ZNF804B: variants seen among roughly 807,000 people sequenced by gnomAD.
ZNF804B encodes the protein zinc finger protein 804B, also known as zinc finger 804B.
Under a neutral mutation model 101.4 loss-of-function variants are expected in ZNF804B, and 80 were observed. The ratio of observed to expected loss-of-function variants is 0.79; its 90% confidence interval spans 0.66 to 0.95. The LOEUF (loss-of-function observed/expected upper bound fraction) is 0.95. Ranked by LOEUF, ZNF804B falls within the 40% of genes least tolerant of loss-of-function variation. The pLI is 0.00. For synonymous variants in ZNF804B, 622 were observed against 558.8 expected (o/e 1.11, Z -1.59); for missense variants, 1,673 against 1,561.9 (o/e 1.07, Z -1.20).
intron 1 of ZNF804B, among the ~76,000 whole-genome samples, chr7:88,850,194 G>T (rs996077148): frequency 1.3e-5 from 2 of 152,080 alleles, no homozygotes; most frequent in African/African-American, 2.4e-5. Flanking sequence ...AACAAATAAG[G>T]TGAGCCTTCT....
chr7:89,327,820 AG>A (rs1790919294), intron 3 of ZNF804B, among the ~76,000 whole-genome samples: 1 of 147,958 alleles, frequency 6.8e-6, no homozygotes, highest in African/African-American at 2.4e-5. Context: ...AATATATCTT[AG>A]GGGGTGGGGA....
chr7:89,143,728 T>C (rs986849671), intron 1 of ZNF804B, among the ~76,000 whole-genome samples: 3 of 152,072 alleles, frequency 2.0e-5, no homozygotes, highest in African/African-American at 7.2e-5. Context: ...CAAATTGATG[T>C]CTTATTCTTT....
intron 1 of ZNF804B, among the ~76,000 whole-genome samples, chr7:89,012,965 A>G (rs1788487321): frequency 6.6e-6 from 1 of 152,206 alleles, no homozygotes. Context: ...ATCATGGCAG[A>G]AGGCACATCT....
At chr7:88,843,747 A>G (rs898750156) in intron 1 of ZNF804B, among the ~76,000 whole-genome samples, 1 of 152,148 alleles carries the variant, frequency 6.6e-6, no homozygotes, top group African/African-American at 2.4e-5. Flanking sequence ...AAAAGAAAAA[A>G]AATAATAAAT....
chr7:88,785,914 T>C (rs959861133), intron 1 of ZNF804B, among the ~76,000 whole-genome samples: 19 of 152,230 alleles, frequency 1.2e-4, no homozygotes, highest in African/African-American at 4.6e-4. Flanking sequence ...CTAAATTAGG[T>C]GAAGTTAGGA....
At chr7:88,823,123 T>C (rs1232661364) in intron 1 of ZNF804B, among the ~76,000 whole-genome samples, 1 of 152,060 alleles carries the variant, frequency 6.6e-6, no homozygotes, top group Non-Finnish European at 1.5e-5. Context: ...GGCAGGAGAA[T>C]TGCTTAAACC....
At chr7:88,856,031 G>C (rs1791551410) in intron 1 of ZNF804B, among the ~76,000 whole-genome samples, 1 of 152,138 alleles carries the variant, frequency 6.6e-6, no homozygotes, top group Non-Finnish European at 1.5e-5. Context: ...TTTGAAATCA[G>C]GTAGCATGAT....
intron 1 of ZNF804B, among the ~76,000 whole-genome samples, chr7:89,215,473 A>C (rs568283094): frequency 4.6e-5 from 7 of 151,904 alleles, no homozygotes; most frequent in Non-Finnish European, 1.0e-4. Context: ...CTGAATTTTC[A>C]GTTGTTCCCC....
At chr7:88,979,015 A>G (rs1314950104) in intron 1 of ZNF804B, among the ~76,000 whole-genome samples, 1 of 151,910 alleles carries the variant, frequency 6.6e-6, no homozygotes, top group Non-Finnish European at 1.5e-5. Context: ...TATTGACAAC[A>G]CTGATTGCAA....
At position 89,181,500 on chromosome 7, in the gene ZNF804B, C is replaced by T. The variant is rs562589789; in HGVS notation, c.109-36655C>T. On this transcript the variant is annotated intron_variant, in intron 1 of 3. Coordinates refer to ENST00000333190, the MANE Select transcript of ZNF804B (RefSeq NM_181646.5). ...CACTGAGTTCCAATGCAATGTCCCA[C>T]GGTCCCTGCAGTCTCCCTTCCCCAA... is the stretch of plus-strand genomic sequence containing the variant. Among the ~76,000 whole-genome samples, 53 of 152,222 alleles carry T rather than the reference C, an allele frequency of 3.5e-4. 1 individual carries two copies. The highest frequency in any genetic ancestry group is 3.4e-3 in the Middle Eastern group (1 of 294).
intron 2 of ZNF804B, among the ~76,000 whole-genome samples, chr7:89,264,966 T>G (rs1208542357): frequency 6.6e-6 from 1 of 152,356 alleles, no homozygotes; most frequent in East Asian, 1.9e-4. Context: ...GAAGTCCTTT[T>G]TGTGTTCTCT....
chr7:89,097,106 A>G (rs917646993), intron 1 of ZNF804B, among the ~76,000 whole-genome samples: 1 of 152,198 alleles, frequency 6.6e-6, no homozygotes, highest in Non-Finnish European at 1.5e-5. Context: ...TCCCCAACGA[A>G]AATTAATGGG....
At chr7:89,171,288 G>GCTTCTTCTT (rs1203060273) in intron 1 of ZNF804B, among the ~76,000 whole-genome samples, 2,629 of 82,162 alleles carry the variant, frequency 0.032, 41 homozygotes, top group Non-Finnish European at 0.043. Context: ...TGCTGCTGCT[G>GCTTCTTCTT]CTTCTTCTTC....
chr7:88,781,783 A>G (rs1347430732), intron 1 of ZNF804B, among the ~76,000 whole-genome samples: 2 of 152,136 alleles, frequency 1.3e-5, no homozygotes, highest in Non-Finnish European at 2.9e-5. Flanking sequence ...TCTTTCTGCC[A>G]TGTGTGAGTA....
At chr7:89,306,490 G>A (rs1218342639) in intron 2 of ZNF804B, among the ~76,000 whole-genome samples, 4 of 132,314 alleles carry the variant, frequency 3.0e-5, no homozygotes, top group Admixed American at 7.7e-5. Flanking sequence ...TCAACTGATC[G>A]TGTCTTTTAT....
At chr7:89,286,501 C>T (rs1790198645) in intron 2 of ZNF804B, among the ~76,000 whole-genome samples, 2 of 152,136 alleles carry the variant, frequency 1.3e-5, no homozygotes, top group African/African-American at 4.8e-5. Context: ...ACAACAGAGC[C>T]AGTCAAGAAA....
At chr7:88,890,261 A>C (rs1283392384) in intron 1 of ZNF804B, among the ~76,000 whole-genome samples, 1 of 152,124 alleles carries the variant, frequency 6.6e-6, no homozygotes, top group East Asian at 1.9e-4. Context: ...TTAACTTTGA[A>C]TTTTAAAATT....
intron 1 of ZNF804B, among the ~76,000 whole-genome samples, chr7:89,026,584 G>GGGTGT (rs2116224297): frequency 6.6e-6 from 1 of 152,254 alleles, no homozygotes; most frequent in East Asian, 1.9e-4. Context: ...GTATAACCCT[G>GGGTGT]GGTGTGGTGA....
intron 1 of ZNF804B, among the ~76,000 whole-genome samples, chr7:89,001,373 A>G (rs1421676333): frequency 6.6e-6 from 1 of 151,308 alleles, no homozygotes; most frequent in Non-Finnish European, 1.5e-5. Flanking sequence ...TTTTTTTAAA[A>G]GCTAAATGAA....
Sources: gnomAD v4.1 joint callset for allele counts (sites outside exome capture counted in the v4.1 genomes callset) on GRCh38, gnomAD v4.1.1 for gene constraint, MANE v1.5 for transcripts, NCBI Gene and HGNC (gene_info 2026-07-23, HGNC 2026-07-21) for gene names.